The following GLIS3 variants were observed in gnomAD, a reference collection of about 807,000 sequenced individuals.
The protein encoded by GLIS3 is zinc finger protein GLIS3.
A neutral mutation model predicts 78.6 loss-of-function variants in GLIS3; 53 were observed. The ratio of observed to expected loss-of-function variants is 0.67; its 90% CI spans 0.54 to 0.85. The LOEUF is 0.85. GLIS3 is among the 40% of genes least tolerant of loss of function. The pLI is 0.00. For synonymous variants in GLIS3, 684 were observed against 509.9 expected (o/e 1.34, Z -4.60); for missense variants, 1,703 against 1,231.1 (o/e 1.38, Z -5.74).
intron 8 of GLIS3, among the ~76,000 whole-genome samples, chr9:3,871,145 C>T (rs981110114): frequency 9.2e-5 from 14 of 152,220 alleles, no homozygotes; most frequent in Non-Finnish European, 1.8e-4. Context: ...CTCCATGTCT[C>T]ATACCCAGGT....
the GLIS3 span, among the ~76,000 whole-genome samples, chr9:4,448,203 C>T: frequency 1.3e-5 from 2 of 152,210 alleles, no homozygotes; most frequent in African/African-American, 4.8e-5. Context: ...CAGATATAAT[C>T]GGTTCTTTGC....
intron 2 of GLIS3, among the ~76,000 whole-genome samples, chr9:4,198,110 C>G (rs113045333): frequency 1.3e-5 from 2 of 152,038 alleles, no homozygotes; most frequent in African/African-American, 2.4e-5. Flanking sequence ...AATGTAGTAA[C>G]GCCACCAAAG....
intron 4 of GLIS3, among the ~76,000 whole-genome samples, chr9:4,043,903 A>G (rs950099960): frequency 1.3e-5 from 2 of 152,220 alleles, no homozygotes; most frequent in African/African-American, 4.8e-5. Context: ...GCTCCCAGAT[A>G]TATCAGCTGC....
intron 2 of GLIS3, among the ~76,000 whole-genome samples, chr9:4,261,849 T>C (rs1201632233): frequency 1.3e-5 from 2 of 152,180 alleles, no homozygotes; most frequent in Non-Finnish European, 2.9e-5. Context: ...ACTCTTGCTA[T>C]GAACAGATAT....
At chr9:4,478,388 A>C in the GLIS3 span, among the ~76,000 whole-genome samples, 1 of 152,136 alleles carries the variant, frequency 6.6e-6, no homozygotes, top group Non-Finnish European at 1.5e-5. Context: ...AAGGCGGGAG[A>C]TCACTTGAGG....
At chr9:4,353,033 G>T (rs1320795141), upstream of GLIS3, among the ~76,000 whole-genome samples, 1 of 152,120 alleles carries the variant, frequency 6.6e-6, no homozygotes, top group Non-Finnish European at 1.5e-5. Context: ...AGATCAGTCA[G>T]CTCTCTGGAA....
chr9:4,219,912 G>T (rs928746087), intron 2 of GLIS3, among the ~76,000 whole-genome samples: 1 of 152,124 alleles, frequency 6.6e-6, no homozygotes, highest in African/African-American at 2.4e-5. Context: ...TCAGATCTTG[G>T]TTTCTAAATA....
chr9:4,244,956 G>A (rs1029560422), intron 2 of GLIS3, among the ~76,000 whole-genome samples: 1 of 152,136 alleles, frequency 6.6e-6, no homozygotes, highest in Non-Finnish European at 1.5e-5. Flanking sequence ...CTACGTTAAA[G>A]AATACTTTTA....
At chr9:4,386,265 T>C in the GLIS3 span, 1 of 152,192 alleles carries the variant, frequency 6.6e-6, no homozygotes, top group South Asian at 2.1e-4. Context: ...TAATAAAAAT[T>C]GTGTCTATAC....
chr9:4,443,221 C>T, the GLIS3 span, among the ~76,000 whole-genome samples: 137 of 152,310 alleles, frequency 9.0e-4, no homozygotes, highest in African/African-American at 3.1e-3. Context: ...TGCTTCTAGA[C>T]CCAGAGCCCA....
At chr9:4,241,489 T>A (rs917237419) in intron 2 of GLIS3, among the ~76,000 whole-genome samples, 1 of 152,172 alleles carries the variant, frequency 6.6e-6, no homozygotes, top group African/African-American at 2.4e-5. Context: ...AAGACAATAC[T>A]TGAGGTGATG....
intron 2 of GLIS3, among the ~76,000 whole-genome samples, chr9:4,195,512 G>A (rs574098999): frequency 7.9e-5 from 12 of 152,298 alleles, no homozygotes; most frequent in South Asian, 4.1e-4. Context: ...TCGAATTCTC[G>A]CCGGGCCTCA....
intron 9 of GLIS3, among the ~76,000 whole-genome samples, chr9:3,831,307 C>G (rs1262016563): frequency 1.3e-5 from 2 of 152,116 alleles, no homozygotes; most frequent in Non-Finnish European, 2.9e-5. Context: ...AATAGACAGG[C>G]AGGCAAAGAA....
At chr9:3,911,109 C>G (rs1313047136) in intron 6 of GLIS3, among the ~76,000 whole-genome samples, 2 of 151,876 alleles carry the variant, frequency 1.3e-5, no homozygotes, top group Non-Finnish European at 2.9e-5. Flanking sequence ...TTCTTCCTTC[C>G]TTCCTTCCTT....
intron 2 of GLIS3, among the ~76,000 whole-genome samples, chr9:4,237,201 T>C (rs1233271514): frequency 1.4e-5 from 2 of 144,276 alleles, no homozygotes; most frequent in South Asian, 2.2e-4. Flanking sequence ...TTATTTAGAA[T>C]ACAGAAAATA....
chr9:4,389,881 G>A, the GLIS3 span, among the ~76,000 whole-genome samples: 3 of 152,196 alleles, frequency 2.0e-5, no homozygotes, highest in Admixed American at 6.5e-5. Flanking sequence ...AGCAGTGCTC[G>A]ACATCAAGAA....
At chr9:3,869,980 G>C (rs1236604756) in intron 8 of GLIS3, among the ~76,000 whole-genome samples, 2 of 152,074 alleles carry the variant, frequency 1.3e-5, no homozygotes, top group African/African-American at 4.8e-5. Flanking sequence ...ACTTGGTTAA[G>C]GATAGGAAGA....
At chr9:4,342,823 G>A (rs1692806653) in intron 2 of GLIS3, among the ~76,000 whole-genome samples, 1 of 152,098 alleles carries the variant, frequency 6.6e-6, no homozygotes, top group South Asian at 2.1e-4. Flanking sequence ...CTGATTAGCT[G>A]TATTCATAGG....
intron 2 of GLIS3, among the ~76,000 whole-genome samples, chr9:4,211,199 C>T (rs190817112): frequency 6.6e-6 from 1 of 152,354 alleles, no homozygotes; most frequent in East Asian, 1.9e-4. Context: ...GTGCCGAATA[C>T]ATGAACTTGT....
Sources: allele counts gnomAD v4.1 joint callset (sites outside exome capture counted in the v4.1 genomes callset), GRCh38; gene constraint gnomAD v4.1.1; transcripts MANE v1.5; gene names NCBI Gene and HGNC (gene_info 2026-07-23, HGNC 2026-07-21).